The following NXPE2 variants were observed in gnomAD, a reference collection of about 807,000 sequenced individuals.
NXPE2 encodes neurexophilin and PC-esterase domain family member 2.
In NXPE2, 34 loss-of-function variants were observed where a neutral mutation model predicts 34.4. That is an observed-to-expected ratio of 0.99 (90% CI 0.75 to 1.31). The LOEUF is 1.31. NXPE2 is among the 40% of genes most tolerant of loss of function. The pLI is 0.00. For synonymous variants in NXPE2, 235 were observed against 231.3 expected (o/e 1.02, Z -0.15); for missense variants, 649 against 672.5 (o/e 0.97, Z 0.39).
chr11:114,665,924 G>T, the NXPE2 span, among the ~76,000 whole-genome samples: 1 of 152,164 alleles, frequency 6.6e-6, no homozygotes, highest in African/African-American at 2.4e-5. Flanking sequence ...AAATCTGTGT[G>T]CAGTTATTAT....
the NXPE2 span, chr11:114,553,923 T>C: frequency 1.0e-6 from 1 of 985,218 alleles, no homozygotes; most frequent in Non-Finnish European, 1.2e-6. Flanking sequence ...AACAGGATTT[T>C]TGTTTTTGTT....
the NXPE2 span, among the ~76,000 whole-genome samples, chr11:114,795,378 A>G: frequency 6.6e-6 from 1 of 152,154 alleles, no homozygotes; most frequent in Non-Finnish European, 1.5e-5. Flanking sequence ...TCAGCTCTCC[A>G]AGGCTTGGCT....
the NXPE2 span, among the ~76,000 whole-genome samples, chr11:114,589,832 A>G: frequency 1.1e-4 from 17 of 152,178 alleles, no homozygotes; most frequent in Admixed American, 2.0e-4. Context: ...AGTCCCTACA[A>G]CACCCCAATA....
At chr11:114,744,250 T>G in the NXPE2 span, among the ~76,000 whole-genome samples, 1 of 152,304 alleles carries the variant, frequency 6.6e-6, no homozygotes, top group Middle Eastern at 3.4e-3. Flanking sequence ...CCCTGAGAAT[T>G]TGGCCAAAAC....
At chr11:114,803,271 C>T in the NXPE2 span, among the ~76,000 whole-genome samples, 2 of 152,232 alleles carry the variant, frequency 1.3e-5, no homozygotes, top group Non-Finnish European at 2.9e-5. Context: ...CTAAGAAAAA[C>T]TGACAACCCG....
the NXPE2 span, among the ~76,000 whole-genome samples, chr11:114,786,278 C>A: frequency 1.3e-4 from 19 of 151,948 alleles, no homozygotes; most frequent in Middle Eastern, 0.01. Context: ...TCTCATTGTA[C>A]AGATGAGGAA....
the NXPE2 span, among the ~76,000 whole-genome samples, chr11:114,666,143 C>T: frequency 6.6e-6 from 1 of 152,150 alleles, no homozygotes; most frequent in Non-Finnish European, 1.5e-5. Context: ...ATCCTTTCCA[C>T]TGACCTTCTC....
chr11:114,638,778 G>T, the NXPE2 span, among the ~76,000 whole-genome samples: 3 of 151,910 alleles, frequency 2.0e-5, no homozygotes, highest in African/African-American at 7.3e-5. Flanking sequence ...GCAGAACAGC[G>T]GATTTTCGTG....
the NXPE2 span, among the ~76,000 whole-genome samples, chr11:114,595,980 G>A: frequency 1.3e-5 from 2 of 152,032 alleles, no homozygotes; most frequent in African/African-American, 2.4e-5. Flanking sequence ...ATAAATAATT[G>A]TATTTAGTTA....
chr11:114,603,278 A>G, the NXPE2 span, among the ~76,000 whole-genome samples: 1 of 150,974 alleles, frequency 6.6e-6, no homozygotes, highest in African/African-American at 2.4e-5. Flanking sequence ...GGTGGATGAT[A>G]AGTATTGCCT....
At chr11:114,741,126 T>C in the NXPE2 span, among the ~76,000 whole-genome samples, 10 of 152,208 alleles carry the variant, frequency 6.6e-5, no homozygotes, top group African/African-American at 2.4e-4. Context: ...TATTTTTTCT[T>C]TCAACACTTT....
At chr11:114,800,575 TAG>T in the NXPE2 span, among the ~76,000 whole-genome samples, 6 of 152,192 alleles carry the variant, frequency 3.9e-5, no homozygotes, top group African/African-American at 1.4e-4. Context: ...TAGTAAGAAG[TAG>T]AGTGTTGAAT....
At chr11:114,703,766 G>C (rs74718304) in intron 3 of NXPE2, among the ~76,000 whole-genome samples, 1 of 152,098 alleles carries the variant, frequency 6.6e-6, no homozygotes, top group Non-Finnish European at 1.5e-5. Context: ...GATGGATTGC[G>C]TATGGAGGGT....
the NXPE2 span, among the ~76,000 whole-genome samples, chr11:114,482,043 A>ATAT: frequency 2.6e-5 from 4 of 151,380 alleles, no homozygotes; most frequent in African/African-American, 7.3e-5. Flanking sequence ...TCAACTGAAG[A>ATAT]ATGAAAGATG....
chr11:114,485,366 G>A, the NXPE2 span, among the ~76,000 whole-genome samples: 4 of 144,128 alleles, frequency 2.8e-5, no homozygotes, highest in Admixed American at 2.1e-4. Context: ...CTACCATCAC[G>A]CCTGGCTAAT....
the NXPE2 span, among the ~76,000 whole-genome samples, chr11:114,535,578 A>G: frequency 6.6e-6 from 1 of 152,208 alleles, no homozygotes; most frequent in Non-Finnish European, 1.5e-5. Flanking sequence ...AAATAAAGGG[A>G]TGGAGGAAGA....
At chr11:114,494,408 C>G in the NXPE2 span, among the ~76,000 whole-genome samples, 1 of 151,900 alleles carries the variant, frequency 6.6e-6, no homozygotes, top group African/African-American at 2.4e-5. Context: ...TCTTTTGTCT[C>G]CCTGGCTGTG....
At chr11:114,519,485 CAG>C in the NXPE2 span, among the ~76,000 whole-genome samples, 1 of 152,182 alleles carries the variant, frequency 6.6e-6, no homozygotes, top group East Asian at 1.9e-4. Context: ...TTAGAGATAA[CAG>C]ATACTTTTAA....
chr11:114,577,157 G>A, the NXPE2 span, among the ~76,000 whole-genome samples: 1 of 129,652 alleles, frequency 7.7e-6, no homozygotes, highest in African/African-American at 3.0e-5. Context: ...AAATATATAT[G>A]TGTCATATAT....
Sources: allele counts gnomAD v4.1 joint callset (sites outside exome capture counted in the v4.1 genomes callset), GRCh38; gene constraint gnomAD v4.1.1; transcripts MANE v1.5; gene names NCBI Gene and HGNC (gene_info 2026-07-23, HGNC 2026-07-21).